Variants in TERB1 observed in about 807,000 individuals in gnomAD.
TERB1 encodes the protein telomere repeats-binding bouquet formation protein 1.
TERB1 carries 63 observed loss-of-function variants against 92.3 expected under a neutral mutation model. The observed-to-expected ratio is 0.68, with a 90% CI of 0.56 to 0.84. The LOEUF is 0.84. TERB1 is among the 40% of genes least tolerant of loss of function. TERB1 has a pLI of 0.00. For synonymous variants in TERB1, 252 were observed against 283.9 expected (o/e 0.89, Z 1.13); for missense variants, 709 against 843.7 (o/e 0.84, Z 1.98).
chr16:66,761,670 C>T (rs2018252868), intron 16 of TERB1, among the ~76,000 whole-genome samples: 1 of 151,930 alleles, frequency 6.6e-6, no homozygotes, highest in African/African-American at 2.4e-5. Context: ...CATCTGTAGT[C>T]CTAGTTACTT....
chr16:66,775,592 C>T (rs1365392504), intron 11 of TERB1, among the ~76,000 whole-genome samples: 1 of 151,764 alleles, frequency 6.6e-6, no homozygotes, highest in African/African-American at 2.4e-5. Context: ...CGAGGTCGCA[C>T]CATTGTACTC....
intron 3 of TERB1, among the ~76,000 whole-genome samples, chr16:66,794,453 A>T (rs962613574): frequency 6.6e-6 from 1 of 150,748 alleles, no homozygotes; most frequent in African/African-American, 2.4e-5. Flanking sequence ...CCTTTCTCAT[A>T]CTTTGGTATC....
At chr16:66,778,141 C>T (rs762872301) in intron 10 of TERB1, among the ~76,000 whole-genome samples, 10 of 152,298 alleles carry the variant, frequency 6.6e-5, no homozygotes, top group Admixed American at 1.3e-4. Flanking sequence ...CTGCCACTCA[C>T]TAGTAATGCT....
At position 66,765,543 on chromosome 16, in the gene TERB1, T is replaced by C. The variant is rs967613181; in HGVS notation, c.1780+1872A>G. ...CATGATCTCAGCTCACTGCAACCTC[T>C]GCCTCCCAGGTTCAAGCAATTCTCC... On this transcript the variant is annotated intron_variant, in intron 16 of 18. Transcript: ENST00000433154. 2.0e-5 allele frequency among the ~76,000 whole-genome samples: 3 copies of C among 151,958 alleles called. No homozygotes were observed. In the East Asian group the frequency reaches 5.8e-4, roughly 29 times the overall value.
At chr16:66,769,063 C>T (rs1247645390) in intron 14 of TERB1, among the ~76,000 whole-genome samples, 2 of 151,502 alleles carry the variant, frequency 1.3e-5, no homozygotes, top group Non-Finnish European at 2.9e-5. Flanking sequence ...CGAGATCATG[C>T]CATTGCACTC....
intron 3 of TERB1, among the ~76,000 whole-genome samples, chr16:66,793,520 GT>G (rs972583238): frequency 3.4e-5 from 5 of 148,858 alleles, no homozygotes; most frequent in African/African-American, 5.0e-5. Flanking sequence ...ACCCGGACTG[GT>G]TTTTTTTTGA....
chr16:66,773,398 T>TC (rs143920933), intron 12 of TERB1, among the ~76,000 whole-genome samples: 26,152 of 152,152 alleles, frequency 0.17, 4,300 homozygotes, highest in African/African-American at 0.43. Context: ...TAATCCTTTT[T>TC]TTTTAAACAT....
chr16:66,784,748 A>ATTT (rs34949570), intron 9 of TERB1, among the ~76,000 whole-genome samples: 3 of 117,606 alleles, frequency 2.6e-5, no homozygotes, highest in East Asian at 2.6e-4. Flanking sequence ...TTAATTTTTA[A>ATTT]TTTTTTTTTT....
rs2018523723 is a variant in TERB1 at position 66,775,145 on chromosome 16, A to G, written c.1084T>C (p.Phe362Leu). 6.4e-7 allele frequency: 1 copy of G among 1,551,674 alleles called. No individual in the cohort carries two copies. The highest frequency in any genetic ancestry group is 2.0e-5 in the Admixed American group (1 of 51,008). Residue 362 changes from phenylalanine (F) to leucine (L), a missense_variant, in exon 12 of 19, where the codon TTT becomes CTT. Physicochemically the swap from Phe to Leu is conservative, Grantham distance 22 (BLOSUM62 0). Coordinates refer to ENST00000433154, the MANE Select transcript of TERB1 (RefSeq NM_001136505.2). ...ATTTTTTTGCAGTTGTGAAGCACAA[A>G]TGTGGCAGCTTTGTTCAGTTCCTCA... ...QNEELNKAAT[F>L]VLHNCKKITE...
rs1207639665 is a variant in TERB1 at position 66,755,217 on chromosome 16, T to G, written c.1997-54A>C. On this transcript the variant is annotated intron_variant, in intron 18 of 18. Transcript: ENST00000433154. Reference sequence around the variant, plus strand: ...TATTTGCTGAACAAAGGTCCTGAGATGCAAATAAGTGCTTATTTGGATATG... The same window carrying G: ...TATTTGCTGAACAAAGGTCCTGAGAGGCAAATAAGTGCTTATTTGGATATG... The G allele has an allele frequency of 2.8e-6, 3 of 1,072,230 alleles. No homozygotes were observed. In the African/African-American group the frequency reaches 4.8e-5, roughly 17 times the overall value. 66.4% of individuals were successfully genotyped at this position (1,072,230 alleles called of 1,614,324 possible).
Position 66,800,392 on chromosome 16 carries a change from G to GTTGT in TERB1, c.-33+584_-33+585insACAA, listed in dbSNP as rs1555510268. 1.8e-3 allele frequency among the ~76,000 whole-genome samples: 167 copies of GTTGT among 92,864 alleles called. 5 individuals carry two copies. The highest frequency in any genetic ancestry group is 0.011 in the Middle Eastern group (2 of 174). The allele number at this position is 92,864 out of a possible 152,430, so 60.9% of individuals were successfully genotyped here. ...AAATAAATAAATAAAAATAAAGAAA[G>GTTGT]TTTTTTTTTTTTTTTTTTGAGACAG... On this transcript the variant is annotated intron_variant, in intron 2 of 18. Coordinates refer to ENST00000433154, the MANE Select transcript of TERB1 (RefSeq NM_001136505.2).
At chr16:66,755,213 G>C (rs1462240902) in intron 18 of TERB1, 50 bp from the exon 19 acceptor site, 1 of 1,175,024 alleles carries the variant, frequency 8.5e-7, no homozygotes, top group African/African-American at 1.5e-5. Flanking sequence ...CAAAGGTCCT[G>C]AGATGCAAAT....
chr16:66,775,479 C>T (rs967872958), intron 11 of TERB1, among the ~76,000 whole-genome samples: 1 of 151,718 alleles, frequency 6.6e-6, no homozygotes, highest in East Asian at 1.9e-4. Context: ...ATAAAAAATA[C>T]AAAAATTAGC....
chr16:66,779,158 C>A (rs2018596030), intron 9 of TERB1, 143 bp from the exon 10 acceptor site: 1 of 546,812 alleles, frequency 1.8e-6, no homozygotes, highest in Non-Finnish European at 3.0e-6. Context: ...AAAATCCAAT[C>A]TTTACCTGTG....
At position 66,796,754 on chromosome 16, in the gene TERB1, C is replaced by A; in HGVS notation, c.31+14G>T. ...CAAAACTCATTGCAGATATATGATC[C>A]ATCAATTTCTCACCTTGTGTTTTCT... On this transcript the variant is annotated intron_variant, in intron 3 of 18. Coordinates refer to ENST00000433154, the MANE Select transcript of TERB1 (RefSeq NM_001136505.2). 1 of 1,520,122 alleles carries A rather than the reference C, an allele frequency of 6.6e-7. No individual in the cohort carries two copies. The highest frequency in any genetic ancestry group is 2.5e-5 in the East Asian group (1 of 40,684). The allele number at this position is 1,520,122 out of a possible 1,614,324, so 94.2% of individuals were successfully genotyped here. A position where few individuals can be genotyped will look rare whatever the true frequency, so the allele number is the denominator to read the frequency against.
In TERB1 at chr16:66,770,323, A is replaced by G; in HGVS notation, c.1273-14T>C. 1 of 1,439,398 alleles carries G rather than the reference A, an allele frequency of 6.9e-7. No individual in the cohort carries two copies. The highest frequency in any genetic ancestry group is 9.4e-7 in the Non-Finnish European group (1 of 1,064,534). 89.2% of individuals were successfully genotyped at this position (1,439,398 alleles called of 1,614,324 possible). On this transcript the variant is annotated splice_polypyrimidine_tract_variant and intron_variant, in intron 13 of 18. Coordinates refer to ENST00000433154, the MANE Select transcript of TERB1 (RefSeq NM_001136505.2). ...TTGTATTTCTTCCTATAGTGTAAAAATGACAAATAATTTCAATATAATCCA... is the reference window on the plus strand; with the variant it reads ...TTGTATTTCTTCCTATAGTGTAAAAGTGACAAATAATTTCAATATAATCCA...
chr16:66,783,910 A>G (rs1484944862), intron 9 of TERB1, among the ~76,000 whole-genome samples: 1 of 152,216 alleles, frequency 6.6e-6, no homozygotes. Context: ...TTAAGGTTTT[A>G]AACTACAAAT....
At chr16:66,773,313 G>A (rs1311911452) in intron 12 of TERB1, among the ~76,000 whole-genome samples, 2 of 152,146 alleles carry the variant, frequency 1.3e-5, no homozygotes, top group Admixed American at 6.6e-5. Flanking sequence ...CAGCCCTGGC[G>A]ACAGAGTGAG....
At chr16:66,790,507 G>A in intron 5 of TERB1, 88 bp downstream of exon 5, 1 of 994,716 alleles carries the variant, frequency 1.0e-6, no homozygotes, top group South Asian at 2.3e-5. Context: ...AAAAAGGAAA[G>A]GAAATTAACT....
Sources: gnomAD v4.1 joint callset for allele counts (sites outside exome capture counted in the v4.1 genomes callset) on GRCh38, gnomAD v4.1.1 for gene constraint, MANE v1.5 for transcripts, NCBI Gene and HGNC (gene_info 2026-07-23, HGNC 2026-07-21) for gene names.